WT1: variants seen among roughly 807,000 people sequenced by gnomAD.
WT1 encodes Wilms tumor protein.
Under a neutral mutation model 60.8 loss-of-function variants are expected in WT1, and 8 were observed. The ratio of observed to expected loss-of-function variants is 0.13; its 90% CI spans 0.08 to 0.24. The LOEUF (loss-of-function observed/expected upper bound fraction) is 0.24, where lower values mean the gene tolerates loss of function less well. WT1 is among the 10% of genes least tolerant of loss of function. The pLI is 1.00. For missense variants in WT1, 568 were observed against 711.8 expected (o/e 0.80, Z 2.30); for synonymous variants, 312 against 297.1 (o/e 1.05, Z -0.52).
chr11:32,403,184 T>C (rs751052891), intron 5 of WT1, among the ~76,000 whole-genome samples: 2 of 151,250 alleles, frequency 1.3e-5, no homozygotes, highest in Non-Finnish European at 2.9e-5. Flanking sequence ...CCCCCGCCTA[T>C]GGGGACTTGG....
At chr11:32,395,676 G>A (rs548787336) in intron 7 of WT1, among the ~76,000 whole-genome samples, 1 of 152,042 alleles carries the variant, frequency 6.6e-6, no homozygotes, top group East Asian at 1.9e-4. Context: ...TGGCCAGGCT[G>A]GTCTCCAACT....
intron 1 of WT1, among the ~76,000 whole-genome samples, chr11:32,431,868 G>T (rs762186160): frequency 1.3e-5 from 2 of 152,050 alleles, no homozygotes; most frequent in Non-Finnish European, 2.9e-5. Context: ...CCATCTCAAC[G>T]GTGGGGCCAA....
intron 7 of WT1, among the ~76,000 whole-genome samples, chr11:32,394,845 C>T (rs1453915688): frequency 6.6e-6 from 1 of 152,212 alleles, no homozygotes; most frequent in Non-Finnish European, 1.5e-5. Flanking sequence ...GTTGTCTAAC[C>T]CTCACTGCAT....
intron 5 of WT1, 116 bp downstream of exon 5, chr11:32,416,374 C>T: frequency 1.5e-6 from 2 of 1,295,632 alleles, no homozygotes; most frequent in African/African-American, 1.5e-5. Context: ...GAGATTCTTC[C>T]CATCCACCAA....
intron 5 of WT1, among the ~76,000 whole-genome samples, chr11:32,415,505 G>A (rs377608396): frequency 2.6e-5 from 4 of 152,164 alleles, no homozygotes; most frequent in Non-Finnish European, 4.4e-5. Context: ...AAAATTAGCC[G>A]GGCGTGGTGG....
intron 1 of WT1, among the ~76,000 whole-genome samples, chr11:32,434,125 G>A (rs1024226471): frequency 7.2e-5 from 11 of 152,264 alleles, no homozygotes; most frequent in Non-Finnish European, 1.6e-4. Context: ...TTAGTTACTG[G>A]AGGTGCATGT....
At position 32,428,058 on chromosome 11, in the gene WT1, C is replaced by T. The variant is rs372225738; in HGVS notation, c.785G>A (p.Gly262Asp). The change falls in exon 3 of 10, where the codon GGT (glycine) becomes GAT (aspartate). Residue 262 changes from glycine (G) to aspartate (D), a missense_variant and splice_region_variant. Physicochemically the swap from Gly to Asp is moderately conservative, Grantham distance 94. This residue lies in a region of WT1 where 523 missense variants were observed against 565.1 expected (regional missense o/e 0.93). Coordinates refer to ENST00000452863, the MANE Select transcript of WT1 (RefSeq NM_024426.6). The stretch of plus-strand genomic sequence containing the variant: ...GGGCGGCACCGAGTACTGCTGCTCA[C>T]CTGCAGAGAGAACCGAAGACAGCTG... The T allele has an allele frequency of 5.8e-5, 93 of 1,598,780 alleles. No individual in the cohort carries two copies. Among genetic ancestry groups the T allele is most frequent in the Admixed American group, 2.7e-4 (16 of 58,980 alleles).
intron 5 of WT1, among the ~76,000 whole-genome samples, chr11:32,415,005 C>T (rs1472689107): frequency 6.6e-6 from 1 of 152,034 alleles, no homozygotes; most frequent in East Asian, 1.9e-4. Flanking sequence ...ACACTTTGTG[C>T]TTCATCCTTA....
chr11:32,404,414 AG>A (rs1236560992), intron 5 of WT1, among the ~76,000 whole-genome samples: 1 of 152,134 alleles, frequency 6.6e-6, no homozygotes, highest in Non-Finnish European at 1.5e-5. Context: ...CAAGATAGTC[AG>A]GAAGATCACA....
At chr11:32,401,030 C>T (rs185349564) in intron 5 of WT1, among the ~76,000 whole-genome samples, 49 of 152,332 alleles carry the variant, frequency 3.2e-4, no homozygotes, top group African/African-American at 1.1e-3. Flanking sequence ...TGAAAACAGA[C>T]GTCCACACAA....
At chr11:32,401,644 A>G (rs1852160799) in intron 5 of WT1, among the ~76,000 whole-genome samples, 1 of 151,952 alleles carries the variant, frequency 6.6e-6, no homozygotes, top group Non-Finnish European at 1.5e-5. Flanking sequence ...GGTTCAAATG[A>G]TTCTCCTGCC....
intron 1 of WT1, among the ~76,000 whole-genome samples, chr11:32,429,669 C>A (rs931173836): frequency 6.6e-6 from 1 of 152,134 alleles, no homozygotes; most frequent in African/African-American, 2.4e-5. Flanking sequence ...TCTACAAGTT[C>A]CGGAGTCTGT....
chr11:32,417,031 A>G (rs890380533), intron 4 of WT1, among the ~76,000 whole-genome samples: 3 of 151,492 alleles, frequency 2.0e-5, no homozygotes, highest in African/African-American at 7.3e-5. Context: ...TCTTTTTTTT[A>G]TTTTTTCATT....
intron 1 of WT1, among the ~76,000 whole-genome samples, chr11:32,434,356 C>T (rs1214250509): frequency 2.0e-5 from 3 of 152,234 alleles, no homozygotes; most frequent in Non-Finnish European, 4.4e-5. Context: ...AAACTCTCCC[C>T]AAGGCAGAGC....
At chr11:32,409,329 A>G (rs1267127343) in intron 5 of WT1, among the ~76,000 whole-genome samples, 1 of 152,184 alleles carries the variant, frequency 6.6e-6, no homozygotes, top group Admixed American at 6.5e-5. Context: ...TAAGACAAAA[A>G]CTTACTATTT....
At chr11:32,425,175 G>A (rs1245290404) in intron 3 of WT1, among the ~76,000 whole-genome samples, 8 of 73,956 alleles carry the variant, frequency 1.1e-4, no homozygotes, top group South Asian at 5.4e-4. Context: ...AGACTGTCTC[G>A]AAAAGAAAAA....
chr11:32,398,161 G>A (rs1412591389), intron 6 of WT1, among the ~76,000 whole-genome samples: 2 of 152,112 alleles, frequency 1.3e-5, no homozygotes, highest in South Asian at 2.1e-4. Flanking sequence ...GAAAGGCTTG[G>A]GAGTAGGGAG....
At position 32,410,131 on chromosome 11, in the gene WT1, A is replaced by C. The variant is rs186351971; in HGVS notation, c.1016+6359T>G. On this transcript the variant is annotated intron_variant, in intron 5 of 9. Transcript: ENST00000452863. ...TTTCTGTAGAGAACAGGGTTTCGCC[A>C]CGTTGGCCAGGCTGGTCTCAAACTC... Among the ~76,000 whole-genome samples the C allele has an allele frequency of 2.4e-4, 37 of 152,180 alleles. No individual in the cohort carries two copies. The East Asian group carries it at 6.6e-3, about 27-fold the overall frequency.
chr11:32,432,081 A>G (rs979155688), intron 1 of WT1, among the ~76,000 whole-genome samples: 1 of 152,222 alleles, frequency 6.6e-6, no homozygotes, highest in African/African-American at 2.4e-5. Context: ...TAGGCGATTG[A>G]TGTTTGCTAA....
Sources: allele counts gnomAD v4.1 joint callset (sites outside exome capture counted in the v4.1 genomes callset), GRCh38; gene constraint gnomAD v4.1.1; regional missense constraint gnomAD v4.1.1; transcripts MANE v1.5; gene names NCBI Gene and HGNC (gene_info 2026-07-23, HGNC 2026-07-21).